SPIRE1: variants seen among roughly 807,000 people sequenced by gnomAD.
The protein encoded by SPIRE1 is protein spire homolog 1.
In SPIRE1, 40 loss-of-function variants were observed where a neutral mutation model predicts 94.1. The observed-to-expected ratio is 0.43, with a 90% confidence interval of 0.33 to 0.55. The LOEUF (loss-of-function observed/expected upper bound fraction) is 0.55. Among genes scored for constraint, SPIRE1 ranks in the 20% least tolerant of loss-of-function variants. SPIRE1 has a pLI of 0.06. For missense variants in SPIRE1, 838 were observed against 975.2 expected (o/e 0.86, Z 1.87); for synonymous variants, 376 against 371.7 (o/e 1.01, Z -0.13).
intron 2 of SPIRE1, among the ~76,000 whole-genome samples, chr18:12,612,936 A>G (rs772170292): frequency 5.7e-4 from 87 of 152,142 alleles, no homozygotes; most frequent in Non-Finnish European, 1.0e-3. Flanking sequence ...CAAACCCACC[A>G]TCACTACCAC....
chr18:12,615,345 A>AATATAT lies in SPIRE1; in HGVS notation c.372+19711_372+19716dup, dbSNP rs71174107. On this transcript the variant is annotated intron_variant, in intron 2 of 16. Coordinates refer to ENST00000409402, the MANE Select transcript of SPIRE1 (RefSeq NM_001128626.2). ...TCTGTCTCAAAAAAAAAAAAAAAAAAATATATATATATATATATATATATA... is the reference window on the plus strand; with the variant it reads ...TCTGTCTCAAAAAAAAAAAAAAAAAAATATATATATATATATATATATATATATATA... Among the ~76,000 whole-genome samples, 95 of 17,188 alleles carry AATATAT rather than the reference A, an allele frequency of 5.5e-3. 1 individual carries two copies. The highest frequency in any genetic ancestry group is 0.013 in the Non-Finnish European group (72 of 5,368). The allele number at this position is 17,188 out of a possible 152,430, so 11.3% of individuals were successfully genotyped here. A position where few individuals can be genotyped will look rare whatever the true frequency, so the allele number is the denominator to read the frequency against.
intron 6 of SPIRE1, among the ~76,000 whole-genome samples, chr18:12,505,714 T>C (rs1426170857): frequency 6.6e-6 from 1 of 152,148 alleles, no homozygotes; most frequent in Non-Finnish European, 1.5e-5. Context: ...AAGATTTACA[T>C]ACAAGGATAC....
At chr18:12,636,329 C>T (rs1394276921) in intron 1 of SPIRE1, 1 of 152,186 alleles carries the variant, frequency 6.6e-6, no homozygotes, top group Non-Finnish European at 1.5e-5. Context: ...TTTACCCTCA[C>T]ACCTAGCCCA....
intron 1 of SPIRE1, among the ~76,000 whole-genome samples, chr18:12,649,168 T>G (rs2144884069): frequency 6.6e-6 from 1 of 152,220 alleles, no homozygotes; most frequent in East Asian, 1.9e-4. Flanking sequence ...TTTCAGCACT[T>G]TGTGAGACTG....
At chr18:12,561,894 G>A (rs2035697838) in intron 2 of SPIRE1, among the ~76,000 whole-genome samples, 1 of 152,094 alleles carries the variant, frequency 6.6e-6, no homozygotes, top group African/African-American at 2.4e-5. Context: ...ATGAGTTTGG[G>A]TGCCACAATT....
chr18:12,461,192 A>G (rs964412671), intron 12 of SPIRE1, among the ~76,000 whole-genome samples: 2 of 152,190 alleles, frequency 1.3e-5, no homozygotes, highest in African/African-American at 2.4e-5. Flanking sequence ...CATAACTTCT[A>G]TTATAAGCTG....
intron 2 of SPIRE1, among the ~76,000 whole-genome samples, chr18:12,601,067 C>T (rs905268655): frequency 6.6e-6 from 1 of 152,040 alleles, no homozygotes; most frequent in Non-Finnish European, 1.5e-5. Context: ...CAGACTTGGC[C>T]AGTGGGCAGT....
At chr18:12,499,697 G>C (rs1454888320) in intron 6 of SPIRE1, among the ~76,000 whole-genome samples, 1 of 151,722 alleles carries the variant, frequency 6.6e-6, no homozygotes, top group Non-Finnish European at 1.5e-5. Context: ...TGAATTCCTA[G>C]ATATGACACC....
Position 12,559,820 on chromosome 18 carries a change from G to A in SPIRE1, c.373-12916C>T, listed in dbSNP as rs188123157. 9.9e-5 allele frequency among the ~76,000 whole-genome samples: 15 copies of A among 152,268 alleles called. No homozygotes were observed. Among genetic ancestry groups the A allele is most frequent in the African/African-American group, 2.6e-4 (11 of 41,528 alleles). The stretch of plus-strand genomic sequence containing the variant: ...AAAATGAAGAAACAACCCAAAGAAC[G>A]GGAGAAAATATGTGCAAACTGTCCA... On this transcript the variant is annotated intron_variant, in intron 2 of 16. Coordinates refer to ENST00000409402, the MANE Select transcript of SPIRE1 (RefSeq NM_001128626.2). The surrounding 1 kb of genome is among the most constrained non-coding windows in gnomAD (Gnocchi z 4.7).
intron 2 of SPIRE1, among the ~76,000 whole-genome samples, chr18:12,603,554 G>A (rs1193234541): frequency 1.3e-5 from 2 of 150,774 alleles, no homozygotes; most frequent in African/African-American, 2.4e-5. Flanking sequence ...GCTGACGTCT[G>A]AGCTGATCAC....
At chr18:12,648,890 C>CAAAAAAAAAAAAAAAAAAAAAAAAAAA (rs56696562) in intron 1 of SPIRE1, among the ~76,000 whole-genome samples, 1 of 85,522 alleles carries the variant, frequency 1.2e-5, no homozygotes, top group African/African-American at 4.5e-5. Context: ...AACTCCGTCT[C>CAAAAAAAAAAAAAAAAAAAAAAAAAAA]AAAAAAAAAA....
intron 2 of SPIRE1, among the ~76,000 whole-genome samples, chr18:12,572,081 A>C (rs75778903): frequency 0.14 from 21,068 of 152,086 alleles, 1,714 homozygotes; most frequent in African/African-American, 0.2. Context: ...CAGAAACAGG[A>C]AATACTGAGT....
intron 2 of SPIRE1, among the ~76,000 whole-genome samples, chr18:12,609,270 T>TA (rs1214977499): frequency 2.6e-5 from 4 of 152,116 alleles, no homozygotes; most frequent in African/African-American, 9.7e-5. Context: ...TTAAGGAAAA[T>TA]AGAGTCTGCT....
At position 12,578,491 on chromosome 18, in the gene SPIRE1, G is replaced by A. The variant is rs999818581; in HGVS notation, c.373-31587C>T. Among the ~76,000 whole-genome samples the A allele has an allele frequency of 9.8e-5, 15 of 152,304 alleles. No individual in the cohort carries two copies. In the South Asian group the frequency reaches 3.1e-3, roughly 32 times the overall value. ...TCAATTTATATGAAGTTGGAGCTGG[G>A]GGACTGACTGCACCGGAAACTTTCT... On this transcript the variant is annotated intron_variant, in intron 2 of 16. Transcript: ENST00000409402.
At chr18:12,452,772 T>C (rs1339955288) in intron 14 of SPIRE1, among the ~76,000 whole-genome samples, 1 of 152,256 alleles carries the variant, frequency 6.6e-6, no homozygotes, top group East Asian at 1.9e-4. Context: ...GATCACATGA[T>C]AATCACATCT....
intron 2 of SPIRE1, among the ~76,000 whole-genome samples, chr18:12,614,235 T>C (rs1203258329): frequency 6.6e-6 from 1 of 152,160 alleles, no homozygotes; most frequent in Non-Finnish European, 1.5e-5. Context: ...CACTCTAGCC[T>C]AGGCAACAGA....
At chr18:12,463,282 T>TA (rs2031945338) in intron 12 of SPIRE1, 69 bp downstream of exon 12, 4 of 1,408,650 alleles carry the variant, frequency 2.8e-6, no homozygotes, top group Middle Eastern at 2.0e-4. Flanking sequence ...ATCATCTTCA[T>TA]AAGAAAGCTA....
Position 12,491,190 on chromosome 18 carries a change from G to C in SPIRE1, c.1189+1882C>G, listed in dbSNP as rs144133734. ...AATGGAAGAATAATATTCATGAATT[G>C]AAAGACTTACTGTTAACATGTGAAT... On this transcript the variant is annotated intron_variant, in intron 8 of 16. Transcript: ENST00000409402. 1.8e-3 allele frequency among the ~76,000 whole-genome samples: 272 copies of C among 147,520 alleles called. 1 individual carries two copies. Among genetic ancestry groups the C allele is most frequent in the African/African-American group, 6.9e-3 (262 of 38,102 alleles).
chr18:12,589,810 AC>A (rs1442216452), intron 2 of SPIRE1, among the ~76,000 whole-genome samples: 3 of 152,220 alleles, frequency 2.0e-5, no homozygotes, highest in Non-Finnish European at 4.4e-5. Flanking sequence ...CTATGTCAAA[AC>A]AGGGAAGCAG....
Sources: allele counts gnomAD v4.1 joint callset (sites outside exome capture counted in the v4.1 genomes callset), GRCh38; gene constraint gnomAD v4.1.1; non-coding constraint Gnocchi (gnomAD v3.1); transcripts MANE v1.5; gene names NCBI Gene and HGNC (gene_info 2026-07-23, HGNC 2026-07-21).